RALYL: variants seen among roughly 807,000 people sequenced by gnomAD.
RALYL encodes the protein RALY RNA binding protein like.
RALYL carries 29 observed loss-of-function variants against 35.1 expected under a neutral mutation model. The observed-to-expected ratio is 0.83, with a 90% CI of 0.61 to 1.13. RALYL has a LOEUF of 1.13. RALYL is among the 50% of genes most tolerant of loss of function. The probability of loss-of-function intolerance (pLI) is 0.00; values close to 1 mark genes in which losing one functional copy is unlikely to be tolerated. For synonymous variants in RALYL, 120 were observed against 127.6 expected, an observed-to-expected ratio of 0.94 and a Z score of 0.40; for missense variants, 359 against 360.4, an observed-to-expected ratio of 1.00 and a Z score of 0.03.
At chr8:84,418,669 G>T (rs913274700) in intron 1 of RALYL, among the ~76,000 whole-genome samples, 1 of 152,100 alleles carries the variant, frequency 6.6e-6, no homozygotes, top group African/African-American at 2.4e-5. Context: ...TCCATTGTTA[G>T]AATGCAGTTT....
intron 1 of RALYL, among the ~76,000 whole-genome samples, chr8:84,299,880 C>T (rs1021676354): frequency 3.3e-5 from 5 of 151,894 alleles, no homozygotes; most frequent in African/African-American, 9.7e-5. Context: ...CACTAGCTGT[C>T]GATCACATTT....
chr8:84,654,310 T>TATATATATATATAC, intron 2 of RALYL, among the ~76,000 whole-genome samples: 1 of 134,728 alleles, frequency 7.4e-6, no homozygotes, highest in African/African-American at 2.7e-5. Flanking sequence ...TATATATATA[T>TATATATATATATAC]ATATCATGTA....
intron 2 of RALYL, among the ~76,000 whole-genome samples, chr8:84,568,910 T>C (rs1807177722): frequency 6.6e-6 from 1 of 151,870 alleles, no homozygotes; most frequent in East Asian, 1.9e-4. Flanking sequence ...TTTTTTCTTG[T>C]AAATTTGTTT....
At chr8:84,895,336 T>C (rs1235776078) in intron 8 of RALYL, among the ~76,000 whole-genome samples, 1 of 146,982 alleles carries the variant, frequency 6.8e-6, no homozygotes, top group Non-Finnish European at 1.5e-5. Flanking sequence ...TACTGCACTA[T>C]GACAAAAAAA....
intron 2 of RALYL, among the ~76,000 whole-genome samples, chr8:84,762,625 G>A (rs993596730): frequency 1.1e-4 from 17 of 152,234 alleles, no homozygotes; most frequent in Admixed American, 2.0e-4. Flanking sequence ...ATGATGTTTG[G>A]AGTGACAGCT....
At chr8:84,474,625 A>G (rs185313681) in intron 1 of RALYL, among the ~76,000 whole-genome samples, 1 of 152,244 alleles carries the variant, frequency 6.6e-6, no homozygotes, top group African/African-American at 2.4e-5. Flanking sequence ...AGTGTGTAAT[A>G]ATCTCTCAAG....
chr8:84,207,374 A>G (rs1818301849), intron 1 of RALYL, among the ~76,000 whole-genome samples: 1 of 152,066 alleles, frequency 6.6e-6, no homozygotes, highest in African/African-American at 2.4e-5. Context: ...TCAATGAAAT[A>G]TTATTCAGCC....
intron 1 of RALYL, among the ~76,000 whole-genome samples, chr8:84,223,455 G>C (rs1034581324): frequency 1.3e-5 from 2 of 152,224 alleles, no homozygotes; most frequent in Admixed American, 1.3e-4. Context: ...CGATGGGCAA[G>C]GACCATGGTA....
intron 1 of RALYL, among the ~76,000 whole-genome samples, chr8:84,418,722 A>T (rs1478965739): frequency 6.6e-6 from 1 of 152,084 alleles, no homozygotes; most frequent in East Asian, 1.9e-4. Flanking sequence ...TAAAATTTAT[A>T]TTCACTGGGA....
chr8:84,636,599 C>T (rs930102686), intron 2 of RALYL, among the ~76,000 whole-genome samples: 1 of 151,786 alleles, frequency 6.6e-6, no homozygotes, highest in African/African-American at 2.4e-5. Flanking sequence ...ACAAGAATAA[C>T]ACCACACTTT....
At position 84,350,088 on chromosome 8, in the gene RALYL, G is replaced by A. The variant is rs544617772; in HGVS notation, c.-24+165664G>A. 3.3e-5 allele frequency among the ~76,000 whole-genome samples: 5 copies of A among 150,750 alleles called. No individual in the cohort carries two copies. The South Asian group carries it at 1.0e-3, about 31-fold the overall frequency. On this transcript the variant is annotated intron_variant, in intron 1 of 8. Coordinates refer to ENST00000521268, the MANE Select transcript of RALYL (RefSeq NM_173848.7). ...CAGCAAAGGAATCTGCTTATTTCAA[G>A]TTGAGCTTCTGAACTGGAAAGGTAG...
chr8:84,458,834 T>A (rs2050425596), intron 1 of RALYL, among the ~76,000 whole-genome samples: 1 of 151,702 alleles, frequency 6.6e-6, no homozygotes, highest in Non-Finnish European at 1.5e-5. Context: ...TTAGTATTGA[T>A]AAAGGTTATT....
intron 2 of RALYL, among the ~76,000 whole-genome samples, chr8:84,652,751 A>G (rs1829107968): frequency 6.6e-6 from 1 of 151,984 alleles, no homozygotes; most frequent in African/African-American, 2.4e-5. Context: ...ACTTTTGTCC[A>G]ATCTGTCTCT....
intron 5 of RALYL, among the ~76,000 whole-genome samples, chr8:84,854,076 G>C (rs1430773156): frequency 6.6e-6 from 1 of 152,116 alleles, no homozygotes; most frequent in African/African-American, 2.4e-5. Flanking sequence ...GGCCAGGCGC[G>C]GTGGCTCACG....
At chr8:84,896,216 G>T (rs1426354884) in intron 8 of RALYL, among the ~76,000 whole-genome samples, 2 of 152,152 alleles carry the variant, frequency 1.3e-5, no homozygotes, top group Admixed American at 1.3e-4. Context: ...GTCTCATTGT[G>T]CCAGAGAAGC....
In RALYL at chr8:84,774,608, T is replaced by C; in HGVS notation, c.286T>C (p.Tyr96His). 1.2e-6 allele frequency: 2 copies of C among 1,609,026 alleles called. No homozygotes were observed. Among genetic ancestry groups the C allele is most frequent in the Non-Finnish European group, 1.7e-6 (2 of 1,177,312 alleles). Residue 96 changes from tyrosine (Y) to histidine (H), a missense_variant, in exon 3 of 9, where the codon TAC (tyrosine) becomes CAC (histidine). Transcript: ENST00000521268. ...DINMAGEPKP[Y>H]RPKPGNKRPL... is the part of the protein sequence containing the mutation. The stretch of plus-strand genomic sequence containing the variant: ...CAACATGGCAGGAGAGCCCAAACCA[T>C]ACAGACCAAAACCTGGAAACAAGAG...
intron 8 of RALYL, among the ~76,000 whole-genome samples, chr8:84,913,026 GGATGGA>G (rs763113283): frequency 4.5e-4 from 45 of 99,046 alleles, no homozygotes; most frequent in African/African-American, 9.1e-4. Context: ...ATGGATGGAT[GGATGGA>G]TAGGTAGGTA....
At chr8:84,344,119 C>G (rs112904757) in intron 1 of RALYL, among the ~76,000 whole-genome samples, 1 of 151,878 alleles carries the variant, frequency 6.6e-6, no homozygotes, top group South Asian at 2.1e-4. Flanking sequence ...TTATTTGTCA[C>G]AGTGGGAGGA....
At chr8:84,224,651 T>C (rs1823390033) in intron 1 of RALYL, among the ~76,000 whole-genome samples, 1 of 145,322 alleles carries the variant, frequency 6.9e-6, no homozygotes, top group South Asian at 2.2e-4. Context: ...GATTATTAAC[T>C]TCATTATTAC....
Sources: allele counts gnomAD v4.1 joint callset (sites outside exome capture counted in the v4.1 genomes callset), GRCh38; gene constraint gnomAD v4.1.1; transcripts MANE v1.5; gene names NCBI Gene and HGNC (gene_info 2026-07-23, HGNC 2026-07-21).